The following HECW2 variants were observed in gnomAD, a reference collection of about 807,000 sequenced individuals.
HECW2 encodes E3 ubiquitin-protein ligase HECW2.
Under a neutral mutation model 175.2 loss-of-function variants are expected in HECW2, and 61 were observed. That is an observed-to-expected ratio of 0.35 (90% CI 0.28 to 0.43). HECW2 has a LOEUF of 0.43. HECW2 is among the 20% of genes least tolerant of loss of function. The pLI is 1.00. For synonymous variants in HECW2, 671 were observed against 731.0 expected (o/e 0.92, Z 1.32); for missense variants, 1,524 against 2,000.5 (o/e 0.76, Z 4.54).
At chr2:196,229,426 A>C (rs894724594) in intron 21 of HECW2, among the ~76,000 whole-genome samples, 10 of 152,148 alleles carry the variant, frequency 6.6e-5, no homozygotes, top group Non-Finnish European at 1.2e-4. Context: ...TTGGGAAGCC[A>C]AGGCGGGAAG....
chr2:196,459,949 T>G lies in HECW2; in HGVS notation c.-35-26491A>C, dbSNP rs573617830. Among the ~76,000 whole-genome samples, 47 of 152,236 alleles carry G rather than the reference T, an allele frequency of 3.1e-4. No individual in the cohort carries two copies. The South Asian group carries it at 9.3e-3, about 30-fold the overall frequency. ...TTCTCCCTTCCTAAATACACATGAC[T>G]CCTCCTATTGCTTACAGAACACGAA... On this transcript the variant is annotated intron_variant, in intron 1 of 28. Coordinates refer to ENST00000644978, the MANE Select transcript of HECW2 (RefSeq NM_001348768.2).
intron 18 of HECW2, 82 bp downstream of exon 18, chr2:196,257,741 T>C (rs777612182): frequency 2.0e-6 from 2 of 977,586 alleles, no homozygotes; most frequent in Non-Finnish European, 3.2e-6. Flanking sequence ...GCTATGAATA[T>C]TGGCATATTA....
chr2:196,239,693 G>A (rs1688378687), intron 21 of HECW2: 1 of 152,134 alleles, frequency 6.6e-6, no homozygotes, highest in South Asian at 2.1e-4. Context: ...AGAAGATGTT[G>A]AGACTTGAAC....
At chr2:196,283,377 CTTT>C (rs745802743) in intron 14 of HECW2, among the ~76,000 whole-genome samples, 104 of 135,518 alleles carry the variant, frequency 7.7e-4, no homozygotes, top group African/African-American at 2.5e-3. Flanking sequence ...AGAGAATACA[CTTT>C]TTTTTTTTTT....
At chr2:196,593,059 C>T (rs1023401703) in intron 1 of HECW2, among the ~76,000 whole-genome samples, 4 of 151,454 alleles carry the variant, frequency 2.6e-5, no homozygotes, top group African/African-American at 9.7e-5. Flanking sequence ...CGGCGCGCCC[C>T]TCAGCGGCTC....
Position 196,346,971 on chromosome 2 carries a change from G to A in HECW2, c.293-3207C>T, listed in dbSNP as rs530152572. Among the ~76,000 whole-genome samples the A allele has an allele frequency of 1.9e-4, 27 of 142,674 alleles. 2 individuals carry two copies. Among genetic ancestry groups the A allele is most frequent in the African/African-American group, 7.0e-4 (26 of 37,316 alleles). The allele number at this position is 142,674 out of a possible 152,430, so 93.6% of individuals were successfully genotyped here. On this transcript the variant is annotated intron_variant, in intron 2 of 28. Transcript: ENST00000644978. ...TGCAGTGAGCCGAGATCACGCCACC[G>A]TACTCTAGCCTGGGCGACAGAGTGA...
At chr2:196,308,538 T>C (rs535069686) in intron 10 of HECW2, among the ~76,000 whole-genome samples, 8 of 152,292 alleles carry the variant, frequency 5.3e-5, no homozygotes, top group South Asian at 2.1e-4. Flanking sequence ...TCATGCACAA[T>C]TGTAGTAAAT....
At chr2:196,261,148 G>C (rs1010551346) in intron 17 of HECW2, among the ~76,000 whole-genome samples, 4 of 152,050 alleles carry the variant, frequency 2.6e-5, no homozygotes, top group African/African-American at 9.7e-5. Flanking sequence ...CGCACACTTC[G>C]CTTAGCAATT....
chr2:196,249,417 T>C (rs1459645948), intron 19 of HECW2, among the ~76,000 whole-genome samples: 2 of 151,996 alleles, frequency 1.3e-5, no homozygotes, highest in Admixed American at 1.3e-4. Flanking sequence ...AAAGCCCCTC[T>C]CTCTTCTGCA....
chr2:196,326,473 C>T (rs897907092), intron 5 of HECW2, among the ~76,000 whole-genome samples: 14 of 149,668 alleles, frequency 9.4e-5, no homozygotes, highest in African/African-American at 3.2e-4. Context: ...GAGACAGAGT[C>T]TCGTTGTGTC....
At chr2:196,519,760 T>C (rs1026937884) in intron 1 of HECW2, among the ~76,000 whole-genome samples, 24 of 152,226 alleles carry the variant, frequency 1.6e-4, no homozygotes, top group Admixed American at 3.3e-4. Flanking sequence ...AAAATACGTG[T>C]AATGGCACTT....
intron 1 of HECW2, among the ~76,000 whole-genome samples, chr2:196,567,414 T>C (rs944346228): frequency 6.6e-6 from 1 of 152,158 alleles, no homozygotes; most frequent in Non-Finnish European, 1.5e-5. Flanking sequence ...TGATGTTACA[T>C]AAATATAAAA....
At chr2:196,430,691 G>A (rs1452623390) in intron 2 of HECW2, among the ~76,000 whole-genome samples, 1 of 152,104 alleles carries the variant, frequency 6.6e-6, no homozygotes, top group Non-Finnish European at 1.5e-5. Context: ...GACAAAAAAA[G>A]GGCAAAGTTA....
chr2:196,329,485 A>G (rs1474507750), intron 5 of HECW2, 90 bp downstream of exon 5: 2 of 1,006,788 alleles, frequency 2.0e-6, no homozygotes, highest in South Asian at 1.3e-5. Context: ...TCATCATATC[A>G]TATACGAAAG....
At chr2:196,516,352 A>G (rs1027038824) in intron 1 of HECW2, among the ~76,000 whole-genome samples, 1 of 152,234 alleles carries the variant, frequency 6.6e-6, no homozygotes, top group Non-Finnish European at 1.5e-5. Flanking sequence ...CTATAATTGC[A>G]GTCTACCAAG....
At chr2:196,376,275 C>A (rs965083759) in intron 2 of HECW2, among the ~76,000 whole-genome samples, 8 of 152,256 alleles carry the variant, frequency 5.3e-5, no homozygotes, top group Middle Eastern at 3.4e-3. Flanking sequence ...AAAGCCACAT[C>A]AAAAATAATC....
intron 2 of HECW2, among the ~76,000 whole-genome samples, chr2:196,381,519 G>A (rs749989385): frequency 8.5e-5 from 13 of 152,154 alleles, no homozygotes; most frequent in Non-Finnish European, 1.6e-4. Context: ...TTATAAAGAA[G>A]CAGGTTCCAG....
In HECW2 at chr2:196,195,140, A is replaced by G. The variant is rs556932159; in HGVS notation, c.*6137T>C. ...AATAGGTTGTAATTTTATCTTTTAG[A>G]GCATTAGGGTCCTAAAAGAACATCC... On this transcript the variant is annotated 3_prime_UTR_variant, in exon 29 of 29. Transcript: ENST00000644978. 2.6e-5 allele frequency: 4 copies of G among 152,214 alleles called. No individual in the cohort carries two copies. The highest frequency in any genetic ancestry group is 4.4e-5 in the Non-Finnish European group (3 of 68,036). The allele number at this position is 152,214 out of a possible 1,614,324, so 9.4% of individuals were successfully genotyped here.
At chr2:196,450,180 G>A (rs1696303167) in intron 1 of HECW2, among the ~76,000 whole-genome samples, 1 of 152,172 alleles carries the variant, frequency 6.6e-6, no homozygotes, top group Non-Finnish European at 1.5e-5. Flanking sequence ...TTCTGTCATA[G>A]ATGTAAAGAA....
Sources: allele counts gnomAD v4.1 joint callset (sites outside exome capture counted in the v4.1 genomes callset), GRCh38; gene constraint gnomAD v4.1.1; transcripts MANE v1.5; gene names NCBI Gene and HGNC (gene_info 2026-07-23, HGNC 2026-07-21).